Variants in NDUFA10 observed in about 807,000 individuals in gnomAD.
NDUFA10 encodes the protein NADH:ubiquinone oxidoreductase subunit A10.
NDUFA10 carries 40 observed loss-of-function variants against 47.8 expected under a neutral mutation model. The ratio of observed to expected loss-of-function variants is 0.84; its 90% confidence interval spans 0.65 to 1.09. The LOEUF is 1.09. Among genes scored for constraint, NDUFA10 ranks in the 50% least tolerant of loss-of-function variants. The pLI is 0.00. For synonymous variants in NDUFA10, 183 were observed against 172.2 expected, an observed-to-expected ratio of 1.06 and a Z score of -0.49; for missense variants, 413 against 451.1, an observed-to-expected ratio of 0.92 and a Z score of 0.76.
At chr2:240,009,795 A>G (rs542421580) in intron 6 of NDUFA10, among the ~76,000 whole-genome samples, 1 of 152,348 alleles carries the variant, frequency 6.6e-6, no homozygotes, top group African/African-American at 2.4e-5. Context: ...CTGTTTATTA[A>G]TTATCTATGA....
intron 3 of NDUFA10, among the ~76,000 whole-genome samples, chr2:240,020,768 C>T (rs374547956): frequency 6.6e-6 from 1 of 152,122 alleles, no homozygotes; most frequent in East Asian, 1.9e-4. Context: ...ATGGTGATTC[C>T]GGCCTATCTC....
At chr2:239,973,308 C>T (rs1350178258) in intron 9 of NDUFA10, among the ~76,000 whole-genome samples, 5 of 152,154 alleles carry the variant, frequency 3.3e-5, no homozygotes, top group South Asian at 2.1e-4. Flanking sequence ...AAAGCAGTCA[C>T]GTCTGGCCTT....
rs1696198923 is a variant in NDUFA10, at chr2:239,990,458, G to A, written c.891-276C>T. ...GGACGACCTTCTGGGAATGGATGCT[G>A]TTTTGGAGACATAGAAAAAGGAGGC... On this transcript the variant is annotated intron_variant, in intron 8 of 9. Coordinates refer to ENST00000252711, the MANE Select transcript of NDUFA10 (RefSeq NM_004544.4). 2.0e-5 allele frequency among the ~76,000 whole-genome samples: 3 copies of A among 152,316 alleles called. No homozygotes were observed. In the South Asian group the frequency reaches 6.2e-4, roughly 32 times the overall value.
At chr2:239,905,248 G>A (rs1453145395) in intron 4 of NDUFA10, among the ~76,000 whole-genome samples, 1 of 152,264 alleles carries the variant, frequency 6.6e-6, no homozygotes, top group African/African-American at 2.4e-5. Context: ...GTATGGGAAG[G>A]GGGCTTCCTT....
chr2:240,015,115 C>A (rs554417020), intron 4 of NDUFA10, among the ~76,000 whole-genome samples: 1 of 152,240 alleles, frequency 6.6e-6, no homozygotes, highest in Non-Finnish European at 1.5e-5. Flanking sequence ...GTCGCCTCCA[C>A]TGTATTTACA....
At chr2:239,970,727 T>C (rs574932105) in intron 9 of NDUFA10, among the ~76,000 whole-genome samples, 2 of 152,290 alleles carry the variant, frequency 1.3e-5, no homozygotes, top group African/African-American at 4.8e-5. Flanking sequence ...GAGTTGCCCG[T>C]GGTGAAACCC....
rs1171690518 is a variant in NDUFA10, at chr2:239,933,503, G to GT, written c.295-38190dup. The stretch of plus-strand genomic sequence containing the variant: ...ACAGCCAAGCCACGGAGCCTCCATG[G>GT]TTTTTTTTTTGTTTTTTTGTTTTGT... On this transcript the variant is annotated intron_variant, in intron 4 of 5. Transcript: ENST00000419408. Among the ~76,000 whole-genome samples, 877 of 129,846 alleles carry GT rather than the reference G, an allele frequency of 6.8e-3. 4 individuals are homozygous for GT. Among genetic ancestry groups the GT allele is most frequent in the African/African-American group, 0.022 (689 of 31,846 alleles). The allele number at this position is 129,846 out of a possible 152,430, so 85.2% of individuals were successfully genotyped here.
intron 8 of NDUFA10, among the ~76,000 whole-genome samples, chr2:240,003,699 A>C (rs1330270668): frequency 6.6e-6 from 1 of 152,188 alleles, no homozygotes; most frequent in East Asian, 1.9e-4. Flanking sequence ...AATCAAAGTC[A>C]CTCACTCCAG....
chr2:239,979,017 A>G (rs1236818912), intron 9 of NDUFA10, among the ~76,000 whole-genome samples: 1 of 152,230 alleles, frequency 6.6e-6, no homozygotes, highest in Non-Finnish European at 1.5e-5. Flanking sequence ...TAAGCTCCAA[A>G]CAGATTTCAG....
At chr2:239,902,895 C>T (rs1174627125) in intron 4 of NDUFA10, among the ~76,000 whole-genome samples, 1 of 152,174 alleles carries the variant, frequency 6.6e-6, no homozygotes, top group Non-Finnish European at 1.5e-5. Context: ...CCCCCGAATG[C>T]AGATTTGACT....
At chr2:239,950,253 C>T (rs1694529084) in intron 4 of NDUFA10, among the ~76,000 whole-genome samples, 2 of 152,176 alleles carry the variant, frequency 1.3e-5, no homozygotes, top group South Asian at 4.1e-4. Flanking sequence ...GCATCTCCTA[C>T]AGCCAGACGG....
intron 9 of NDUFA10, among the ~76,000 whole-genome samples, chr2:239,974,829 AAT>A (rs1020808547): frequency 1.3e-5 from 2 of 150,750 alleles, no homozygotes; most frequent in Non-Finnish European, 2.9e-5. Context: ...GTCATTTAAA[AAT>A]ATGTGACACT....
intron 9 of NDUFA10, among the ~76,000 whole-genome samples, chr2:239,986,607 C>A (rs1696013384): frequency 1.3e-5 from 2 of 152,048 alleles, no homozygotes; most frequent in East Asian, 1.9e-4. Context: ...ATATGGAAAT[C>A]AATGAATAAA....
intron 9 of NDUFA10, 65 bp from the exon 10 acceptor site, chr2:239,961,251 T>C: frequency 6.2e-7 from 1 of 1,612,230 alleles, no homozygotes; most frequent in Non-Finnish European, 8.5e-7. Flanking sequence ...CAGCTCATAG[T>C]TCAATGTCTA....
intron 4 of NDUFA10, among the ~76,000 whole-genome samples, chr2:239,912,309 A>T (rs1397411801): frequency 6.6e-6 from 1 of 152,014 alleles, no homozygotes; most frequent in African/African-American, 2.4e-5. Context: ...CGCTTGGGAG[A>T]GGAAGGGTGG....
intron 8 of NDUFA10, among the ~76,000 whole-genome samples, chr2:239,992,682 G>A (rs185427662): frequency 4.4e-4 from 67 of 152,324 alleles, no homozygotes; most frequent in Non-Finnish European, 8.8e-4. Flanking sequence ...GGCCTGACGT[G>A]TCCTCGGAGG....
At chr2:239,919,573 C>A (rs1483564274) in intron 4 of NDUFA10, among the ~76,000 whole-genome samples, 4 of 152,298 alleles carry the variant, frequency 2.6e-5, no homozygotes, top group Admixed American at 6.5e-5. Context: ...AACAGATTCA[C>A]CAAAACACCT....
intron 9 of NDUFA10, among the ~76,000 whole-genome samples, chr2:239,988,069 T>G (rs1334932841): frequency 6.6e-6 from 1 of 152,182 alleles, no homozygotes; most frequent in Non-Finnish European, 1.5e-5. Flanking sequence ...AATATATCAG[T>G]AATTGCATTA....
intron 5 of NDUFA10, chr2:240,012,000 G>A: frequency 2.6e-6 from 1 of 385,968 alleles, no homozygotes; most frequent in Non-Finnish European, 5.0e-6. Context: ...TGTCTTTCCT[G>A]TCTGCCTCGT....
Sources: allele counts gnomAD v4.1 joint callset (sites outside exome capture counted in the v4.1 genomes callset), GRCh38; gene constraint gnomAD v4.1.1; transcripts MANE v1.5; gene names NCBI Gene and HGNC (gene_info 2026-07-23, HGNC 2026-07-21).